LRRTM1: variants seen among roughly 807,000 people sequenced by gnomAD.
LRRTM1 encodes leucine-rich repeat transmembrane neuronal protein 1.
A neutral mutation model predicts 37.3 loss-of-function variants in LRRTM1; 8 were observed. That is an observed-to-expected ratio of 0.21 (90% CI 0.13 to 0.39). The LOEUF is 0.39. LRRTM1 is among the 10% of genes least tolerant of loss of function. The probability of loss-of-function intolerance (pLI) is 1.00; values close to 1 mark genes in which losing one functional copy is unlikely to be tolerated. For synonymous variants in LRRTM1, 326 were observed against 316.8 expected (o/e 1.03, Z -0.31); for missense variants, 557 against 691.0 (o/e 0.81, Z 2.17).
chr2:80,294,464 ATGGAGCCCTGACCC>A (rs1675554313), intron 2 of LRRTM1, among the ~76,000 whole-genome samples: 1 of 151,304 alleles, frequency 6.6e-6, no homozygotes, highest in Non-Finnish European at 1.5e-5. Flanking sequence ...CCCTGACCCC[ATGGAGCCCTGACCC>A]CATGGAGCCC....
rs2149213318 is a variant in LRRTM1, at chr2:80,304,645, A to C, written c.-553T>G. ...GGGCGGCGGGCGGCGGGCGGTGGGG[A>C]GGTGCGGACGGCGGCGCGGGGAGCG... On this transcript the variant is annotated 5_prime_UTR_variant, in exon 1 of 2. Transcript: ENST00000295057. 6.6e-6 allele frequency: 1 copy of C among 152,356 alleles called. No individual in the cohort carries two copies. The highest frequency in any genetic ancestry group is 1.5e-5 in the Non-Finnish European group (1 of 68,148). The allele number at this position is 152,356 out of a possible 1,614,324, so 9.4% of individuals were successfully genotyped here.
chr2:80,303,670 C>T lies in LRRTM1; in HGVS notation c.150G>A (p.Leu50=), dbSNP rs753453282. The T allele has an allele frequency of 6.2e-7, 1 of 1,611,580 alleles. No homozygotes were observed. ...CGGTGAGGTTGAGCGCCTCGCAGTA[C>T]AGCAGCCGCCCCTCGCACCGGCACA... The part of the protein sequence containing the change: ...PQLCRCEGRL[L]YCEALNLTEA... Residue 50 remains leucine (L), a synonymous_variant, in exon 2 of 2, where the codon CTG becomes CTA. Transcript: ENST00000295057. This position sits in a 1 kb window ranked among gnomAD's most constrained non-coding sequence, Gnocchi z 7.7.
chr2:80,297,710 C>G (rs1305491146), downstream of LRRTM1, among the ~76,000 whole-genome samples: 1 of 152,036 alleles, frequency 6.6e-6, no homozygotes, highest in Non-Finnish European at 1.5e-5. Context: ...AATATATTCC[C>G]ATTTGCTGGC....
Position 80,303,026 on chromosome 2 carries a change from C to A in LRRTM1, c.794G>T (p.Gly265Val). ...GGGCTCCATGTACTCGATCTCGTTG[C>A]CCGACAAGTCCATTTTCTCCAGGTT... ...VWNLEKMDLS[G>V]NEIEYMEPHV... is the part of the protein sequence containing the mutation. The change falls in exon 2 of 2, where the codon GGC (glycine) becomes GTC (valine). Residue 265 changes from glycine (G) to valine (V), a missense_variant. Gly to Val is a moderately radical substitution (Grantham distance 109, BLOSUM62 -3). Coordinates refer to ENST00000295057, the MANE Select transcript of LRRTM1 (RefSeq NM_178839.5). The surrounding 1 kb of genome is among the most constrained non-coding windows in gnomAD (Gnocchi z 7.7). 1.9e-6 allele frequency: 3 copies of A among 1,613,734 alleles called. No homozygotes were observed. The highest frequency in any genetic ancestry group is 2.5e-6 in the Non-Finnish European group (3 of 1,179,966).
At chr2:80,296,426 A>G (rs990666760) in intron 2 of LRRTM1, among the ~76,000 whole-genome samples, 1 of 152,116 alleles carries the variant, frequency 6.6e-6, no homozygotes, top group Admixed American at 6.6e-5. Context: ...AAGTGGGTCA[A>G]TTGAGGGTTC....
chr2:80,303,053 C>G lies in LRRTM1; in HGVS notation c.767G>C (p.Trp256Ser), dbSNP rs1266559552. 6.2e-7 allele frequency: 1 copy of G among 1,613,942 alleles called. No individual in the cohort carries two copies. The highest frequency in any genetic ancestry group is 8.5e-7 in the Non-Finnish European group (1 of 1,180,006). Residue 256 changes from tryptophan (W) to serine (S), a missense_variant, in exon 2 of 2, where the codon TGG (tryptophan) becomes TCG (serine). Transcript: ENST00000295057. The surrounding 1 kb of genome is among the most constrained non-coding windows in gnomAD (Gnocchi z 7.7). The stretch of plus-strand genomic sequence containing the variant: ...CGACAAGTCCATTTTCTCCAGGTTC[C>G]AAACCCAGTCCAGCGAGCTGACCAC... ...AIVVSSLDWVWNLEKMDLSGN... is the reference protein window; with the variant it reads ...AIVVSSLDWVSNLEKMDLSGN...
chr2:80,304,037 G>T, intron 1 of LRRTM1, 115 bp downstream of exon 1: 1 of 464,074 alleles, frequency 2.2e-6, no homozygotes, highest in Non-Finnish European at 3.7e-6. Context: ...AAAGTTCACA[G>T]CCACGGAAAG....
At position 80,304,325 on chromosome 2, in the gene LRRTM1, G is replaced by A. The variant is rs1676687316; in HGVS notation, c.-233C>T. On this transcript the variant is annotated 5_prime_UTR_variant, in exon 1 of 2. Coordinates refer to ENST00000295057, the MANE Select transcript of LRRTM1 (RefSeq NM_178839.5). ...CTGCTCGGCTCGGGGCTGCAAGGGCGGCCGGCAAGGCGGGGAGGCGACTTC... is the reference window on the plus strand; with the variant it reads ...CTGCTCGGCTCGGGGCTGCAAGGGCAGCCGGCAAGGCGGGGAGGCGACTTC... 1 of 152,966 alleles carries A rather than the reference G, an allele frequency of 6.5e-6. No individual in the cohort carries two copies. Among genetic ancestry groups the A allele is most frequent in the African/African-American group, 2.4e-5 (1 of 41,444 alleles). 9.5% of individuals were successfully genotyped at this position (152,966 alleles called of 1,614,324 possible).
At chr2:80,289,882 G>A (rs1301610196) in intron 2 of LRRTM1, among the ~76,000 whole-genome samples, 2 of 152,184 alleles carry the variant, frequency 1.3e-5, no homozygotes, top group African/African-American at 4.8e-5. Flanking sequence ...ATGGAGTAAT[G>A]AAGGACTTAA....
downstream of LRRTM1, among the ~76,000 whole-genome samples, chr2:80,299,887 G>A (rs73938270): frequency 0.01 from 1,575 of 152,238 alleles, 27 homozygotes; most frequent in African/African-American, 0.035. Flanking sequence ...AGCTTTGGGC[G>A]CTGGATTCCT....
At chr2:80,289,212 T>C (rs1675025367) in intron 2 of LRRTM1, 1 of 152,074 alleles carries the variant, frequency 6.6e-6, no homozygotes, top group South Asian at 2.1e-4. Flanking sequence ...AGAACCATAA[T>C]ATTAAAATAA....
intron 2 of LRRTM1, among the ~76,000 whole-genome samples, chr2:80,293,051 T>G (rs1198935657): frequency 6.6e-6 from 1 of 152,118 alleles, no homozygotes; most frequent in African/African-American, 2.4e-5. Context: ...TTTAATAAAA[T>G]AAAAGAAACA....
Position 80,302,565 on chromosome 2 carries a change from C to T in LRRTM1, c.1255G>A (p.Ala419Thr), listed in dbSNP as rs1038224584. The T allele has an allele frequency of 6.2e-7, 1 of 1,608,090 alleles. No individual in the cohort carries two copies. The highest frequency in any genetic ancestry group is 8.5e-7 in the Non-Finnish European group (1 of 1,179,346). The stretch of plus-strand genomic sequence containing the variant: ...TTGTGGATCTGCACGGCGTTCTCGG[C>T]GTGCTCGCCGCCTGGAAGAGCCACG... ...ATVALPGGEH[A>T]ENAVQIHKVV... The change falls in exon 2 of 2, where the codon GCC becomes ACC. Residue 419 changes from alanine (A) to threonine (T), a missense_variant. Coordinates refer to ENST00000295057, the MANE Select transcript of LRRTM1 (RefSeq NM_178839.5). This position sits in a 1 kb window ranked among gnomAD's most constrained non-coding sequence, Gnocchi z 6.4.
rs371302299 is a variant in LRRTM1 at position 80,292,574 on chromosome 2, C to G, written c.*307-3379G>C. On this transcript the variant is annotated intron_variant and NMD_transcript_variant, in intron 2 of 2. Transcript: ENST00000417012. The stretch of plus-strand genomic sequence containing the variant: ...TAGCAAGTAAAATATATGATTAACA[C>G]TCCTATAGGTGGAGGTCATGTTTCA... 2.6e-5 allele frequency among the ~76,000 whole-genome samples: 4 copies of G among 152,292 alleles called. No homozygotes were observed. In the East Asian group the frequency reaches 7.7e-4, roughly 29 times the overall value.
At chr2:80,291,933 A>C (rs1675299494) in intron 2 of LRRTM1, among the ~76,000 whole-genome samples, 1 of 152,326 alleles carries the variant, frequency 6.6e-6, no homozygotes, top group South Asian at 2.1e-4. Context: ...GTATGGGCTA[A>C]GGCCTGGCCA....
At chr2:80,296,858 C>G (rs1675792004) in intron 2 of LRRTM1, among the ~76,000 whole-genome samples, 1 of 152,156 alleles carries the variant, frequency 6.6e-6, no homozygotes, top group Non-Finnish European at 1.5e-5. Flanking sequence ...TCTCCAGACA[C>G]AAACAAGTAA....
chr2:80,300,043 A>T (rs994714077), downstream of LRRTM1, among the ~76,000 whole-genome samples: 2 of 152,052 alleles, frequency 1.3e-5, no homozygotes, highest in Non-Finnish European at 2.9e-5. Flanking sequence ...CCCTGAGAGA[A>T]TCTTTTTCCT....
At chr2:80,301,782 C>G (rs1346089658), downstream of LRRTM1, 2 of 150,558 alleles carry the variant, frequency 1.3e-5, no homozygotes, top group African/African-American at 2.6e-5. Flanking sequence ...CCTTCTGGCC[C>G]CTGGACAACT....
At chr2:80,290,841 A>G (rs540815344) in intron 2 of LRRTM1, among the ~76,000 whole-genome samples, 1 of 152,276 alleles carries the variant, frequency 6.6e-6, no homozygotes, top group South Asian at 2.1e-4. Context: ...AGGGAGGGAA[A>G]GAAAAAATGA....
Sources: gnomAD v4.1 joint callset for allele counts (sites outside exome capture counted in the v4.1 genomes callset) on GRCh38, gnomAD v4.1.1 for gene constraint, Gnocchi (gnomAD v3.1) non-coding constraint, MANE v1.5 for transcripts, NCBI Gene and HGNC (gene_info 2026-07-23, HGNC 2026-07-21) for gene names.